The following P2RX5 variants were observed in gnomAD, a reference collection of about 807,000 sequenced individuals.
P2RX5 encodes the protein purinergic receptor P2X 5, also known as P2X purinoceptor 5.
Under a neutral mutation model 54.1 loss-of-function variants are expected in P2RX5, and 46 were observed. The observed-to-expected ratio is 0.85, with a 90% CI of 0.67 to 1.09. P2RX5 has a LOEUF of 1.09. P2RX5 is among the 50% of genes least tolerant of loss of function. The pLI is 0.00. For synonymous variants in P2RX5, 226 were observed against 226.4 expected (o/e 1.00, Z 0.02); for missense variants, 566 against 549.8 (o/e 1.03, Z -0.29).
At chr17:3,723,355 C>T in the P2RX5 span, 5 of 1,613,852 alleles carry the variant, frequency 3.1e-6, no homozygotes, top group Admixed American at 6.7e-5. Context: ...AGCGATGACA[C>T]AGCTCACTGA....
the P2RX5 span, among the ~76,000 whole-genome samples, chr17:3,711,186 T>G: frequency 6.6e-6 from 1 of 152,276 alleles, no homozygotes; most frequent in South Asian, 2.1e-4. Flanking sequence ...TGTTCTCCTT[T>G]GCCCTGGTAC....
At chr17:3,712,915 C>T in the P2RX5 span, among the ~76,000 whole-genome samples, 9 of 152,076 alleles carry the variant, frequency 5.9e-5, no homozygotes, top group Non-Finnish European at 7.4e-5. Context: ...TGCACTCCAG[C>T]GTGGGCGACA....
chr17:3,676,311 A>G, intron 11 of P2RX5: 1 of 985,376 alleles, frequency 1.0e-6, no homozygotes, highest in Non-Finnish European at 1.2e-6. Context: ...CGCCAGCGTC[A>G]GGAGAAGTTC....
chr17:3,723,821 T>A, the P2RX5 span: 1 of 1,563,752 alleles, frequency 6.4e-7, no homozygotes, highest in African/African-American at 1.4e-5. Flanking sequence ...GCCCCGGCCC[T>A]GGCGAGGTGC....
chr17:3,721,999 G>C, the P2RX5 span, among the ~76,000 whole-genome samples: 1 of 151,784 alleles, frequency 6.6e-6, no homozygotes, highest in Non-Finnish European at 1.5e-5. Context: ...CACCAACATG[G>C]AGAAACCCCA....
chr17:3,715,781 G>A, the P2RX5 span, among the ~76,000 whole-genome samples: 3 of 152,106 alleles, frequency 2.0e-5, no homozygotes, highest in South Asian at 6.2e-4. Context: ...AGGATCACCT[G>A]AGCCTAGGAG....
At chr17:3,698,878 G>A (rs2050797006), upstream of P2RX5, among the ~76,000 whole-genome samples, 1 of 151,990 alleles carries the variant, frequency 6.6e-6, no homozygotes, top group Admixed American at 6.6e-5. Context: ...CCACTGGTGA[G>A]GCATGACATC....
intron 10 of P2RX5, among the ~76,000 whole-genome samples, chr17:3,680,203 ATCCTCCACCCT>A: frequency 2.1e-5 from 1 of 47,376 alleles, no homozygotes; most frequent in South Asian, 8.7e-4. Flanking sequence ...TCCACCCTGC[ATCCTCCACCCT>A]GCATCCTCCA....
chr17:3,701,433 C>T, the P2RX5 span, among the ~76,000 whole-genome samples: 1 of 152,166 alleles, frequency 6.6e-6, no homozygotes, highest in Non-Finnish European at 1.5e-5. Flanking sequence ...TGGCTCACGC[C>T]TGTAATCCCA....
At chr17:3,713,988 C>G in the P2RX5 span, among the ~76,000 whole-genome samples, 1 of 151,854 alleles carries the variant, frequency 6.6e-6, no homozygotes, top group East Asian at 1.9e-4. Flanking sequence ...AGTGCAATGG[C>G]GTGATCTTGG....
chr17:3,706,600 GA>G, the P2RX5 span, among the ~76,000 whole-genome samples: 54,980 of 151,866 alleles, frequency 0.36, 10,964 homozygotes, highest in East Asian at 0.65. Context: ...AGCACATGCC[GA>G]AAAATGCGGA....
chr17:3,690,116 T>C lies in P2RX5; in HGVS notation c.568A>G (p.Ile190Val), dbSNP rs746793338. ...AAACGGATGTGGTTCTTTATGAAAA[T>C]GGTGAAGTCTTCGGCCTCCTTCAGG... Reference protein sequence around the residue: ...PFLKEAEDFTIFIKNHIRFPK... With the variant: ...PFLKEAEDFTVFIKNHIRFPK... Residue 190 changes from isoleucine (I) to valine (V), a missense_variant, in exon 6 of 12, where the codon ATT (isoleucine) becomes GTT (valine). Ile to Val is a conservative substitution (Grantham distance 29). Coordinates refer to ENST00000225328, the MANE Select transcript of P2RX5 (RefSeq NM_002561.4). 4 of 1,614,034 alleles carry C rather than the reference T, an allele frequency of 2.5e-6. No individual in the cohort carries two copies. Among genetic ancestry groups the C allele is most frequent in the African/African-American group, 2.7e-5 (2 of 74,946 alleles).
In P2RX5 at chr17:3,685,572, C is replaced by G. The variant is rs539761606; in HGVS notation, c.981+2440G>C. The G allele has an allele frequency of 8.7e-5, 14 of 160,152 alleles. No homozygotes were observed. The Admixed American group carries it at 9.0e-4, about 10-fold the overall frequency. 9.9% of individuals were successfully genotyped at this position (160,152 alleles called of 1,614,324 possible). Reference sequence around the variant, plus strand: ...TGATGATGGTGGGAATGATGCTGAACTTCCCTGCCTGGAAGATAGAGACAA... The same window carrying G: ...TGATGATGGTGGGAATGATGCTGAAGTTCCCTGCCTGGAAGATAGAGACAA... On this transcript the variant is annotated intron_variant, in intron 9 of 11. Coordinates refer to ENST00000225328, the MANE Select transcript of P2RX5 (RefSeq NM_002561.4).
At chr17:3,720,930 C>CT in the P2RX5 span, among the ~76,000 whole-genome samples, 1 of 151,936 alleles carries the variant, frequency 6.6e-6, no homozygotes. Flanking sequence ...CAGTTCTTGA[C>CT]TGACTGACTT....
At position 3,690,054 on chromosome 17, in the gene P2RX5, A is replaced by G; in HGVS notation, c.614+16T>C. The stretch of plus-strand genomic sequence containing the variant: ...CCAAGGCCCACCCGTGGCCCCCAGT[A>G]GCCAAGCCCACGTACTTGGAGAAGT... On this transcript the variant is annotated intron_variant, in intron 6 of 11. Coordinates refer to ENST00000225328, the MANE Select transcript of P2RX5 (RefSeq NM_002561.4). The G allele has an allele frequency of 1.2e-6, 2 of 1,611,650 alleles. No individual in the cohort carries two copies. The highest frequency in any genetic ancestry group is 1.7e-6 in the Non-Finnish European group (2 of 1,177,768).
At chr17:3,688,876 C>A in intron 7 of P2RX5, 117 bp from the exon 8 acceptor site, 1 of 1,092,624 alleles carries the variant, frequency 9.2e-7, no homozygotes, top group Non-Finnish European at 1.4e-6. Flanking sequence ...ACGAGGTCAG[C>A]CCCTCGAGAC....
rs1210676399 is a variant in P2RX5 at position 3,691,675 on chromosome 17, C to T, written c.257G>A (p.Trp86Ter). The T allele has an allele frequency of 1.9e-6, 3 of 1,614,228 alleles. No individual in the cohort carries two copies. The South Asian group carries it at 3.3e-5, about 18-fold the overall frequency. ...TNTSDLGQRI[W>*]DVADYVIPAQ... The stretch of plus-strand genomic sequence containing the variant: ...TGGAATGACGTAGTCGGCGACATCC[C>T]AGATCCGCTGCCCAAGATCCGAGGT... The change falls in exon 2 of 12, where the codon TGG becomes TAG. Residue 86 changes from tryptophan (W) to a stop codon, truncating the protein, a stop_gained. Transcript: ENST00000225328. LOFTEE classifies it high-confidence loss of function.
the P2RX5 span, among the ~76,000 whole-genome samples, chr17:3,713,750 C>A: frequency 2.3e-4 from 32 of 140,870 alleles, no homozygotes; most frequent in African/African-American, 3.7e-4. Flanking sequence ...AACTCTGTCT[C>A]AAAAAAAAAA....
chr17:3,675,335 C>T (rs1280490719), intron 11 of P2RX5: 8 of 984,936 alleles, frequency 8.1e-6, no homozygotes, highest in Non-Finnish European at 9.6e-6. Context: ...CCACCGTGCC[C>T]GGCTAGGAAG....
Sources: gnomAD v4.1 joint callset for allele counts (sites outside exome capture counted in the v4.1 genomes callset) on GRCh38, gnomAD v4.1.1 for gene constraint, MANE v1.5 for transcripts, NCBI Gene and HGNC (gene_info 2026-07-23, HGNC 2026-07-21) for gene names.